Variants in MYH14 observed in about 807,000 individuals in gnomAD.
MYH14 encodes myosin heavy chain 14.
A neutral mutation model predicts 255.5 loss-of-function variants in MYH14; 123 were observed. The observed-to-expected ratio is 0.48, with a 90% CI of 0.42 to 0.56. The LOEUF is 0.56. Among genes scored for constraint, MYH14 ranks in the 20% least tolerant of loss-of-function variants. The pLI, the probability that MYH14 is intolerant of heterozygous loss-of-function variation, is 0.00. For missense variants in MYH14, 2,423 were observed against 2,802.3 expected, an observed-to-expected ratio of 0.86 and a Z score of 3.06; for synonymous variants, 1,095 against 1,161.2, an observed-to-expected ratio of 0.94 and a Z score of 1.16.
intron 2 of MYH14, among the ~76,000 whole-genome samples, chr19:50,213,326 G>A (rs1481064320): frequency 6.6e-6 from 1 of 152,166 alleles, no homozygotes; most frequent in African/African-American, 2.4e-5. Flanking sequence ...CGCTCTGCAG[G>A]TGGGGAAGCT....
chr19:50,247,467 G>A (rs906100275), intron 12 of MYH14, among the ~76,000 whole-genome samples: 1 of 151,890 alleles, frequency 6.6e-6, no homozygotes, highest in Non-Finnish European at 1.5e-5. Flanking sequence ...TTGCGCCACT[G>A]CACTCCAGCC....
intron 1 of MYH14, among the ~76,000 whole-genome samples, chr19:50,207,013 G>A (rs559693228): frequency 6.8e-5 from 9 of 131,612 alleles, no homozygotes; most frequent in African/African-American, 2.5e-4. Flanking sequence ...AGGAGTTTGA[G>A]ATCAGCCTGG....
intron 15 of MYH14, among the ~76,000 whole-genome samples, chr19:50,251,498 T>C (rs971197656): frequency 2.1e-4 from 28 of 135,050 alleles, no homozygotes; most frequent in African/African-American, 7.1e-4. Context: ...CATATATATA[T>C]ACACACATAT....
intron 11 of MYH14, among the ~76,000 whole-genome samples, chr19:50,245,026 A>T (rs192218477): frequency 6.6e-6 from 1 of 152,262 alleles, no homozygotes; most frequent in East Asian, 1.9e-4. Context: ...AATTATAGTC[A>T]ATATCCCTTA....
chr19:50,292,776 G>A (rs897247808), intron 37 of MYH14, among the ~76,000 whole-genome samples: 1 of 152,014 alleles, frequency 6.6e-6, no homozygotes, highest in Non-Finnish European at 1.5e-5. Context: ...GGCTGTGGGA[G>A]TGGGAGTGGG....
chr19:50,284,535 T>C (rs1352664860), intron 33 of MYH14, among the ~76,000 whole-genome samples: 1 of 151,830 alleles, frequency 6.6e-6, no homozygotes, highest in Non-Finnish European at 1.5e-5. Flanking sequence ...ACCCGGCTAA[T>C]TTTTTTATTT....
intron 41 of MYH14, 182 bp from the exon 42 acceptor site, chr19:50,308,823 G>T: frequency 1.6e-6 from 1 of 632,638 alleles, no homozygotes. Flanking sequence ...GGAGAGACTG[G>T]AGGTCAGGGT....
intron 24 of MYH14, among the ~76,000 whole-genome samples, chr19:50,269,121 G>A (rs1367741166): frequency 6.6e-6 from 1 of 152,204 alleles, no homozygotes; most frequent in Non-Finnish European, 1.5e-5. Flanking sequence ...AAATAAGACA[G>A]AAAATTTAGT....
Position 50,291,023 on chromosome 19 carries a change from C to T in MYH14, c.5102C>T (p.Ala1701Val), listed in dbSNP as rs759645377. 2.5e-6 allele frequency: 4 copies of T among 1,612,648 alleles called. No individual in the cohort carries two copies. Among genetic ancestry groups the T allele is most frequent in the African/African-American group, 2.7e-5 (2 of 74,894 alleles). ...TCTGCCGGCCAGGGCAAGGAGGAGG[C>T]GGTGAAGCAGCTTCGCAAGATGCAG... ...MASAGQGKEE[A>V]VKQLRKMQAQ... is the part of the protein sequence containing the mutation. The change falls in exon 36 of 43, where the codon GCG becomes GTG. Residue 1701 changes from alanine to valine, a missense_variant. Physicochemically the swap from Ala to Val is moderately conservative, Grantham distance 64 (BLOSUM62 0). Coordinates refer to ENST00000642316, the MANE Select transcript of MYH14 (RefSeq NM_001145809.2).
At chr19:50,222,096 C>T (rs1439155738) in intron 3 of MYH14, among the ~76,000 whole-genome samples, 2 of 152,152 alleles carry the variant, frequency 1.3e-5, no homozygotes, top group Non-Finnish European at 2.9e-5. Context: ...CCATGGAGCT[C>T]TCCTCTCTCA....
At chr19:50,304,784 TGAA>T (rs1256442637) in intron 40 of MYH14, among the ~76,000 whole-genome samples, 1 of 152,076 alleles carries the variant, frequency 6.6e-6, no homozygotes, top group African/African-American at 2.4e-5. Context: ...GGGACACAGA[TGAA>T]GAAGAAGCTG....
intron 1 of MYH14, among the ~76,000 whole-genome samples, chr19:50,209,149 C>T (rs2032005288): frequency 6.6e-6 from 1 of 151,974 alleles, no homozygotes; most frequent in East Asian, 1.9e-4. Flanking sequence ...CGGAGTGAAA[C>T]CTCATCTCAA....
At chr19:50,231,461 A>G (rs867425756) in intron 9 of MYH14, among the ~76,000 whole-genome samples, 1 of 152,292 alleles carries the variant, frequency 6.6e-6, no homozygotes, top group Middle Eastern at 3.4e-3. Context: ...CAATCCCAGT[A>G]CTTTGGGAGG....
intron 40 of MYH14, among the ~76,000 whole-genome samples, chr19:50,306,600 T>C (rs2036661747): frequency 1.3e-5 from 2 of 152,192 alleles, no homozygotes; most frequent in South Asian, 4.1e-4. Flanking sequence ...ACAGGAGCCA[T>C]GCAAAATATA....
intron 25 of MYH14, 110 bp downstream of exon 25, chr19:50,271,656 A>G: frequency 3.4e-6 from 5 of 1,483,708 alleles, no homozygotes; most frequent in Non-Finnish European, 3.7e-6. Context: ...TCAGGTGTGC[A>G]CCGGTGGGGG....
intron 41 of MYH14, 175 bp from the exon 42 acceptor site, chr19:50,308,830 G>C (rs1364707635): frequency 1.5e-6 from 1 of 664,864 alleles, no homozygotes; most frequent in Non-Finnish European, 2.6e-6. Flanking sequence ...CTGGAGGTCA[G>C]GGTAGAGGCT....
chr19:50,232,137 C>T, intron 10 of MYH14, 67 bp downstream of exon 10: 1 of 1,582,916 alleles, frequency 6.3e-7, no homozygotes, highest in East Asian at 2.2e-5. Flanking sequence ...CCTGGCCATT[C>T]ATGCCCCGAT....
intron 39 of MYH14, among the ~76,000 whole-genome samples, chr19:50,297,641 C>T (rs367620419): frequency 4.2e-4 from 63 of 150,732 alleles, no homozygotes; most frequent in Non-Finnish European, 4.7e-4. Context: ...GGATTACAGG[C>T]GCCCACCACC....
Position 50,252,777 on chromosome 19 carries a change from C to T in MYH14, c.1945+24C>T, listed in dbSNP as rs770466628. ...CGGTGAGGACCCACTTCCCCCACCC[C>T]GGCTCTAGGGGTCTGTGCGGCCATT... is the stretch of plus-strand genomic sequence containing the variant. On this transcript the variant is annotated intron_variant, in intron 16 of 42. Coordinates refer to ENST00000642316, the MANE Select transcript of MYH14 (RefSeq NM_001145809.2). The surrounding 1 kb of genome is among the most constrained non-coding windows in gnomAD (Gnocchi z 4.2). 96 of 1,500,268 alleles carry T rather than the reference C, an allele frequency of 6.4e-5. No individual in the cohort carries two copies. Among genetic ancestry groups the T allele is most frequent in the Non-Finnish European group, 7.7e-5 (84 of 1,098,026 alleles). The allele number at this position is 1,500,268 out of a possible 1,614,324, so 92.9% of individuals were successfully genotyped here. A position where few individuals can be genotyped will look rare whatever the true frequency, so the allele number is the denominator to read the frequency against.
Sources: allele counts gnomAD v4.1 joint callset (sites outside exome capture counted in the v4.1 genomes callset), GRCh38; gene constraint gnomAD v4.1.1; non-coding constraint Gnocchi (gnomAD v3.1); transcripts MANE v1.5; gene names NCBI Gene and HGNC (gene_info 2026-07-23, HGNC 2026-07-21).